Variants in UNC13C observed in about 807,000 individuals in gnomAD.
UNC13C encodes unc-13 homolog C.
In UNC13C, 174 loss-of-function variants were observed where a neutral mutation model predicts 245.4. The observed-to-expected ratio is 0.71, with a 90% CI of 0.63 to 0.80. The LOEUF (loss-of-function observed/expected upper bound fraction) is 0.80, where lower values mean the gene tolerates loss of function less well. Among genes scored for constraint, UNC13C ranks in the 30% least tolerant of loss-of-function variants. UNC13C has a pLI of 0.00. For missense variants in UNC13C, 2,829 were observed against 2,602.9 expected (o/e 1.09, Z -1.89); for synonymous variants, 992 against 895.1 (o/e 1.11, Z -1.93).
At chr15:54,285,597 G>A (rs907488996) in intron 10 of UNC13C, among the ~76,000 whole-genome samples, 2 of 152,154 alleles carry the variant, frequency 1.3e-5, no homozygotes, top group African/African-American at 4.8e-5. Flanking sequence ...GCTTTGCCTC[G>A]AGATGGCTCT....
At chr15:54,509,174 G>C (rs1894625417) in intron 23 of UNC13C, among the ~76,000 whole-genome samples, 1 of 151,964 alleles carries the variant, frequency 6.6e-6, no homozygotes, top group Non-Finnish European at 1.5e-5. Context: ...ACTCCAGCCT[G>C]GCCAAAAAAG....
intron 13 of UNC13C, among the ~76,000 whole-genome samples, chr15:54,316,278 T>A (rs1445421358): frequency 6.6e-6 from 1 of 151,934 alleles, no homozygotes; most frequent in Admixed American, 6.6e-5. Flanking sequence ...AAATTTGTGC[T>A]CTGTTAACCT....
At chr15:54,388,819 A>G (rs942674596) in intron 17 of UNC13C, among the ~76,000 whole-genome samples, 20 of 152,156 alleles carry the variant, frequency 1.3e-4, no homozygotes, top group South Asian at 2.1e-4. Flanking sequence ...GCTGCCACAT[A>G]TATACTGGAA....
rs537292022 is a variant in UNC13C at position 54,616,594 on chromosome 15, A to AAAAT, written c.6107-5731_6107-5728dup. ...AGCTTTTAAGTAAAAAAAAGTCTTT[A>AAAAT]AAATAGAAAAAATTTTACAGAATAA... On this transcript the variant is annotated intron_variant, in intron 30 of 32. Transcript: ENST00000260323. Among the ~76,000 whole-genome samples, 791 of 152,216 alleles carry AAAAT rather than the reference A, an allele frequency of 5.2e-3. 1 individual carries two copies. Among genetic ancestry groups the AAAAT allele is most frequent in the Middle Eastern group, 0.01 (3 of 294 alleles).
chr15:54,046,738 A>G (rs1204995280), intron 2 of UNC13C, among the ~76,000 whole-genome samples: 1 of 152,016 alleles, frequency 6.6e-6, no homozygotes, highest in East Asian at 1.9e-4. Flanking sequence ...AAATATAACA[A>G]TATAGAAAAT....
At chr15:53,856,285 T>G in the UNC13C span, among the ~76,000 whole-genome samples, 1 of 152,082 alleles carries the variant, frequency 6.6e-6, no homozygotes, top group South Asian at 2.1e-4. Flanking sequence ...TCTATCTCCT[T>G]CAGTTCAGTT....
intron 2 of UNC13C, among the ~76,000 whole-genome samples, chr15:54,063,345 C>T (rs999697929): frequency 6.6e-6 from 1 of 151,958 alleles, no homozygotes; most frequent in African/African-American, 2.4e-5. Flanking sequence ...GGGAAGGGGG[C>T]GATAGGCAAG....
intron 2 of UNC13C, among the ~76,000 whole-genome samples, chr15:54,029,234 C>T (rs1478769824): frequency 2.0e-5 from 3 of 152,190 alleles, no homozygotes; most frequent in East Asian, 1.9e-4. Flanking sequence ...TGTGCCTCTG[C>T]CTGTACTCTC....
the UNC13C span, among the ~76,000 whole-genome samples, chr15:53,924,920 GT>G: frequency 0.044 from 6,687 of 152,224 alleles, 305 homozygotes; most frequent in East Asian, 0.21. Context: ...TGTGTTTAGG[GT>G]TATATGGTTA....
At chr15:54,037,737 C>T (rs956959762) in intron 2 of UNC13C, among the ~76,000 whole-genome samples, 5 of 152,026 alleles carry the variant, frequency 3.3e-5, no homozygotes, top group Admixed American at 6.6e-5. Context: ...AGTGATCTAA[C>T]GCCATTCACT....
chr15:54,131,775 C>A (rs16974124), intron 2 of UNC13C, among the ~76,000 whole-genome samples: 55,842 of 151,868 alleles, frequency 0.37, 10,339 homozygotes, highest in Admixed American at 0.39. Flanking sequence ...GTGTTAGAAC[C>A]TTATTCACTC....
At chr15:54,504,182 T>C (rs1161386002) in intron 22 of UNC13C, among the ~76,000 whole-genome samples, 2 of 152,166 alleles carry the variant, frequency 1.3e-5, no homozygotes, top group African/African-American at 4.8e-5. Flanking sequence ...ATTTTTAATA[T>C]TGCCTAAAAA....
intron 17 of UNC13C, among the ~76,000 whole-genome samples, chr15:54,375,057 A>G (rs2140889265): frequency 6.6e-6 from 1 of 152,338 alleles, no homozygotes; most frequent in East Asian, 1.9e-4. Flanking sequence ...ATGTTTCTCT[A>G]AACAGTCCTG....
At chr15:53,971,589 C>G in the UNC13C span, among the ~76,000 whole-genome samples, 1 of 152,080 alleles carries the variant, frequency 6.6e-6, no homozygotes. Context: ...ATTAAAGTCT[C>G]TACTAGCTGT....
chr15:54,606,788 C>T (rs1046388229), intron 30 of UNC13C, among the ~76,000 whole-genome samples: 9 of 152,206 alleles, frequency 5.9e-5, no homozygotes, highest in African/African-American at 2.2e-4. Flanking sequence ...AAACCCTCTG[C>T]TGTGCTCTCT....
the UNC13C span, among the ~76,000 whole-genome samples, chr15:53,922,379 A>C: frequency 3.4e-3 from 525 of 152,358 alleles, 4 homozygotes; most frequent in African/African-American, 0.012. Flanking sequence ...ATAAACTGAG[A>C]GACTTACAAA....
At chr15:53,863,036 A>G in the UNC13C span, among the ~76,000 whole-genome samples, 3 of 152,216 alleles carry the variant, frequency 2.0e-5, no homozygotes, top group Non-Finnish European at 4.4e-5. Context: ...GACTGTAGGT[A>G]TGATTCATCC....
chr15:54,549,814 C>A, intron 28 of UNC13C, 123 bp downstream of exon 28: 1 of 622,836 alleles, frequency 1.6e-6, no homozygotes, highest in South Asian at 2.7e-5. Flanking sequence ...TGTGTGATTT[C>A]ACAATCTGCT....
chr15:53,900,338 G>A, the UNC13C span, among the ~76,000 whole-genome samples: 5 of 152,174 alleles, frequency 3.3e-5, no homozygotes, highest in East Asian at 9.6e-4. Flanking sequence ...CCTGATGTAT[G>A]AATATCAGAC....
Sources: allele counts gnomAD v4.1 joint callset (sites outside exome capture counted in the v4.1 genomes callset), GRCh38; gene constraint gnomAD v4.1.1; transcripts MANE v1.5; gene names NCBI Gene and HGNC (gene_info 2026-07-23, HGNC 2026-07-21).